Variants in COQ8A observed in about 807,000 individuals in gnomAD.
The protein encoded by COQ8A is coenzyme Q8A, also known as atypical kinase COQ8A, mitochondrial.
Under a neutral mutation model 65.0 loss-of-function variants are expected in COQ8A, and 51 were observed. The ratio of observed to expected loss-of-function variants is 0.78; its 90% confidence interval spans 0.63 to 0.99. The LOEUF is 0.99. COQ8A is among the 50% of genes least tolerant of loss of function. The pLI is 0.00. For missense variants in COQ8A, 940 were observed against 875.0 expected, an observed-to-expected ratio of 1.07 and a Z score of -0.94; for synonymous variants, 371 against 353.2, an observed-to-expected ratio of 1.05 and a Z score of -0.57.
At chr1:226,951,583 A>AT (rs1476376272) in intron 1 of COQ8A, among the ~76,000 whole-genome samples, 3 of 152,042 alleles carry the variant, frequency 2.0e-5, no homozygotes, top group African/African-American at 7.2e-5. Context: ...CAGAACTATA[A>AT]TGGGGGGGTC....
intron 1 of COQ8A, among the ~76,000 whole-genome samples, chr1:226,947,327 CCTTGA>C (rs1657100154): frequency 6.6e-6 from 1 of 152,094 alleles, no homozygotes; most frequent in Non-Finnish European, 1.5e-5. Context: ...GATTGCTCAG[CCTTGA>C]TGAGCTTTAA....
intron 1 of COQ8A, among the ~76,000 whole-genome samples, chr1:226,953,842 G>A (rs963003330): frequency 6.6e-6 from 1 of 152,242 alleles, no homozygotes; most frequent in African/African-American, 2.4e-5. Flanking sequence ...AGACTGAGGT[G>A]AAGGTTACAT....
At position 226,985,229 on chromosome 1, in the gene COQ8A, G is replaced by T. The variant is rs760204723; in HGVS notation, c.1573-25G>T. On this transcript the variant is annotated intron_variant, in intron 13 of 14. Coordinates refer to ENST00000366777, the MANE Select transcript of COQ8A (RefSeq NM_020247.5). ...GAGCTGAGCTTTTCATGCTGCCCAC[G>T]GTCCCCTCCTGTGCCTCTCCCCAGA... is the stretch of plus-strand genomic sequence containing the variant. The T allele has an allele frequency of 3.1e-6, 5 of 1,610,910 alleles. No homozygotes were observed. The African/African-American group carries it at 5.3e-5, about 17-fold the overall frequency.
chr1:226,986,443 C>G lies in COQ8A; in HGVS notation c.1660-10C>G, dbSNP rs543195946. 6.2e-7 allele frequency: 1 copy of G among 1,611,354 alleles called. No homozygotes were observed. The highest frequency in any genetic ancestry group is 1.1e-5 in the South Asian group (1 of 91,066). On this transcript the variant is annotated splice_polypyrimidine_tract_variant and intron_variant, in intron 14 of 14. Coordinates refer to ENST00000366777, the MANE Select transcript of COQ8A (RefSeq NM_020247.5). Reference sequence around the variant, plus strand: ...TCTCGCCGCCATTTATCCTTCCTCTCTTGCCCCAGGTCATGGAAGACGCCC... The same window carrying G: ...TCTCGCCGCCATTTATCCTTCCTCTGTTGCCCCAGGTCATGGAAGACGCCC...
intron 1 of COQ8A, among the ~76,000 whole-genome samples, chr1:226,943,202 A>G (rs560155243): frequency 1.3e-5 from 2 of 152,376 alleles, no homozygotes; most frequent in Admixed American, 6.5e-5. Context: ...ACTTGGCAGG[A>G]TAATTTTCCA....
At chr1:226,943,783 C>T (rs193126640) in intron 1 of COQ8A, among the ~76,000 whole-genome samples, 1 of 152,306 alleles carries the variant, frequency 6.6e-6, no homozygotes, top group African/African-American at 2.4e-5. Flanking sequence ...AGTCACATAA[C>T]CCCTACCACA....
chr1:226,970,782 T>G (rs77945570), intron 4 of COQ8A, among the ~76,000 whole-genome samples: 12 of 152,202 alleles, frequency 7.9e-5, no homozygotes, highest in African/African-American at 2.9e-4. Flanking sequence ...ACAGCCCATA[T>G]GAATTTAGAT....
At position 226,949,971 on chromosome 1, in the gene COQ8A, C is replaced by T. The variant is rs1247260064; in HGVS notation, c.-10+9572C>T. Reference sequence around the variant, plus strand: ...TAACCTCAGAGCATCTTAACCATGTCACCAGTATCACTTCCTGAGCCAAAT... The same window carrying T: ...TAACCTCAGAGCATCTTAACCATGTTACCAGTATCACTTCCTGAGCCAAAT... On this transcript the variant is annotated intron_variant, in intron 1 of 14. Coordinates refer to ENST00000366777, the MANE Select transcript of COQ8A (RefSeq NM_020247.5). This position sits in a 1 kb window ranked among gnomAD's most constrained non-coding sequence, Gnocchi z 4.0. Among the ~76,000 whole-genome samples, 3 of 152,220 alleles carry T rather than the reference C, an allele frequency of 2.0e-5. No individual in the cohort carries two copies. Among genetic ancestry groups the T allele is most frequent in the Admixed American group, 6.5e-5 (1 of 15,284 alleles).
At chr1:226,986,373 C>T in intron 14 of COQ8A, 80 bp from the exon 15 acceptor site, 2 of 1,509,262 alleles carry the variant, frequency 1.3e-6, no homozygotes, top group Non-Finnish European at 1.8e-6. Context: ...AACTCAGCGC[C>T]CCGGGCACTG....
At chr1:226,964,713 G>A (rs757404916) in intron 2 of COQ8A, among the ~76,000 whole-genome samples, 11 of 152,216 alleles carry the variant, frequency 7.2e-5, no homozygotes, top group Admixed American at 1.3e-4. Context: ...TGAGGAACCC[G>A]CTGCGGGCGT....
Position 226,986,464 on chromosome 1 carries a change from C to T in COQ8A, c.1671C>T (p.Asp557=), listed in dbSNP as rs370899166. 1.2e-4 allele frequency: 186 copies of T among 1,612,546 alleles called. 1 individual carries two copies. The highest frequency in any genetic ancestry group is 1.5e-4 in the Non-Finnish European group (178 of 1,180,014). The change falls in exon 15 of 15, where the codon GAC becomes GAT. Residue 557 remains aspartate (D), a synonymous_variant. Transcript: ENST00000366777. ...CTCTCTTGCCCCAGGTCATGGAAGACGCCCACTTGGATGCCATCCTCATCC... is the reference window on the plus strand; with the variant it reads ...CTCTCTTGCCCCAGGTCATGGAAGATGCCCACTTGGATGCCATCCTCATCC... ...LTGYEVKVME[D]AHLDAILILG...
At chr1:226,948,885 A>T (rs1657202670) in intron 1 of COQ8A, among the ~76,000 whole-genome samples, 1 of 152,210 alleles carries the variant, frequency 6.6e-6, no homozygotes, top group African/African-American at 2.4e-5. Flanking sequence ...GAATAGGAAT[A>T]CGTTCTTGAA....
intron 2 of COQ8A, 106 bp downstream of exon 2, chr1:226,961,668 A>T (rs984745417): frequency 7.5e-7 from 1 of 1,328,206 alleles, no homozygotes; most frequent in Non-Finnish European, 1.0e-6. Flanking sequence ...TTTGGTGGCC[A>T]GGGCCTGAGG....
chr1:226,980,403 G>T (rs937091348), intron 5 of COQ8A, among the ~76,000 whole-genome samples: 1 of 152,200 alleles, frequency 6.6e-6, no homozygotes, highest in African/African-American at 2.4e-5. Flanking sequence ...CCTACTCTGT[G>T]TGTCATGAGG....
intron 4 of COQ8A, among the ~76,000 whole-genome samples, chr1:226,971,001 C>T (rs896991246): frequency 3.9e-5 from 6 of 151,994 alleles, no homozygotes; most frequent in Admixed American, 6.5e-5. Flanking sequence ...AGTGCAATGG[C>T]GTGATCTCGA....
rs142824406 is a variant in COQ8A, at chr1:226,955,156, G to A, written c.-9-6221G>A. 8.9e-4 allele frequency among the ~76,000 whole-genome samples: 136 copies of A among 152,184 alleles called. 1 individual carries two copies. The highest frequency in any genetic ancestry group is 3.4e-3 in the Middle Eastern group (1 of 294). On this transcript the variant is annotated intron_variant, in intron 1 of 14. Transcript: ENST00000366777. ...GCAAGGGAGGAGGCTTGAAAGAAGCGTATGGTGGCCACATTCCTCAGGGTG... is the reference window on the plus strand; with the variant it reads ...GCAAGGGAGGAGGCTTGAAAGAAGCATATGGTGGCCACATTCCTCAGGGTG...
chr1:226,970,472 A>G (rs558895235), intron 4 of COQ8A, among the ~76,000 whole-genome samples: 3 of 152,344 alleles, frequency 2.0e-5, no homozygotes, highest in African/African-American at 4.8e-5. Flanking sequence ...GTATTTGTGT[A>G]CCTAAACATA....
At chr1:226,976,057 G>A (rs527601677) in intron 4 of COQ8A, among the ~76,000 whole-genome samples, 15 of 151,386 alleles carry the variant, frequency 9.9e-5, no homozygotes, top group African/African-American at 3.6e-4. Flanking sequence ...CCTGGCTGCC[G>A]GGCAGTGGGG....
chr1:226,965,450 A>G, intron 3 of COQ8A, 40 bp downstream of exon 3: 1 of 1,592,794 alleles, frequency 6.3e-7, no homozygotes. Context: ...GGTAGCTGCC[A>G]CCCACAGCAG....
Sources: allele counts gnomAD v4.1 joint callset (sites outside exome capture counted in the v4.1 genomes callset), GRCh38; gene constraint gnomAD v4.1.1; non-coding constraint Gnocchi (gnomAD v3.1); transcripts MANE v1.5; gene names NCBI Gene and HGNC (gene_info 2026-07-23, HGNC 2026-07-21).